PLCB1: variants seen among roughly 807,000 people sequenced by gnomAD.
The protein encoded by PLCB1 is phospholipase C beta 1.
PLCB1 carries 46 observed loss-of-function variants against 161.8 expected under a neutral mutation model. The observed-to-expected ratio is 0.28, with a 90% confidence interval of 0.22 to 0.36. The LOEUF (loss-of-function observed/expected upper bound fraction) is 0.36. Ranked by LOEUF, PLCB1 falls within the 10% of genes least tolerant of loss-of-function variation. The pLI is 1.00. For missense variants in PLCB1, 1,016 were observed against 1,472.5 expected, an observed-to-expected ratio of 0.69 and a Z score of 5.07; for synonymous variants, 517 against 503.7, an observed-to-expected ratio of 1.03 and a Z score of -0.35.
At chr20:8,243,131 C>T (rs370972809) in intron 2 of PLCB1, among the ~76,000 whole-genome samples, 3 of 151,852 alleles carry the variant, frequency 2.0e-5, no homozygotes, top group East Asian at 1.9e-4. Context: ...AAAAATATCA[C>T]GACCTAAGAT....
chr20:8,490,059 GAGTCT>G (rs1457460500), intron 3 of PLCB1, among the ~76,000 whole-genome samples: 2 of 152,178 alleles, frequency 1.3e-5, no homozygotes, highest in Non-Finnish European at 2.9e-5. Context: ...GGCAAGAGAA[GAGTCT>G]AGTCCTGTGG....
At chr20:8,756,996 G>T in intron 23 of PLCB1, 50 bp from the exon 24 acceptor site, 1 of 1,526,274 alleles carries the variant, frequency 6.6e-7, no homozygotes, top group South Asian at 1.3e-5. Context: ...AGGAAGGCAA[G>T]AAAAGAATAA....
At chr20:8,644,848 C>G (rs899467465) in intron 4 of PLCB1, among the ~76,000 whole-genome samples, 1 of 152,036 alleles carries the variant, frequency 6.6e-6, no homozygotes, top group Non-Finnish European at 1.5e-5. Flanking sequence ...TCATTGAGAA[C>G]GGGCCAGGAT....
chr20:8,844,304 T>A (rs562194210), intron 31 of PLCB1, among the ~76,000 whole-genome samples: 1 of 152,270 alleles, frequency 6.6e-6, no homozygotes, highest in East Asian at 1.9e-4. Flanking sequence ...AGGGTTTGTT[T>A]GGTTAAAATA....
chr20:8,569,733 A>G (rs1272835682), intron 3 of PLCB1, among the ~76,000 whole-genome samples: 1 of 152,214 alleles, frequency 6.6e-6, no homozygotes, highest in Non-Finnish European at 1.5e-5. Flanking sequence ...TACTGTAACA[A>G]TAAGTAGAAA....
chr20:8,863,936 G>C (rs913126410), intron 31 of PLCB1, among the ~76,000 whole-genome samples: 2 of 152,100 alleles, frequency 1.3e-5, no homozygotes, highest in African/African-American at 4.8e-5. Context: ...AGTTGGTAGG[G>C]TTTCTGAGTG....
intron 2 of PLCB1, among the ~76,000 whole-genome samples, chr20:8,292,442 A>T (rs929321102): frequency 2.0e-5 from 3 of 152,112 alleles, no homozygotes; most frequent in South Asian, 2.1e-4. Context: ...CAGACTCTTC[A>T]TAGATATTTA....
At chr20:8,186,024 C>T (rs754409658) in intron 2 of PLCB1, among the ~76,000 whole-genome samples, 25 of 152,266 alleles carry the variant, frequency 1.6e-4, no homozygotes, top group Middle Eastern at 6.8e-3. Context: ...CCAGTGTCCT[C>T]TGGAATGAGA....
chr20:8,466,277 G>A (rs1001926541), intron 3 of PLCB1, among the ~76,000 whole-genome samples: 11 of 146,616 alleles, frequency 7.5e-5, no homozygotes, highest in East Asian at 4.1e-4. Context: ...TGAACAATGA[G>A]AACACATGGA....
At chr20:8,879,444 C>A (rs982087323) in intron 31 of PLCB1, among the ~76,000 whole-genome samples, 1 of 152,058 alleles carries the variant, frequency 6.6e-6, no homozygotes, top group Non-Finnish European at 1.5e-5. Flanking sequence ...TCCAGGCAGA[C>A]CTGAGTAATC....
At chr20:8,542,608 A>G (rs1985378919) in intron 3 of PLCB1, among the ~76,000 whole-genome samples, 1 of 152,228 alleles carries the variant, frequency 6.6e-6, no homozygotes, top group South Asian at 2.1e-4. Context: ...ACAGCACTTA[A>G]GAAAAGAATG....
chr20:8,151,211 G>A (rs2051504566), intron 2 of PLCB1, among the ~76,000 whole-genome samples: 1 of 152,144 alleles, frequency 6.6e-6, no homozygotes, highest in African/African-American at 2.4e-5. Flanking sequence ...GAAAACAATA[G>A]AATAGTAATA....
chr20:8,198,760 T>C (rs62199989), intron 2 of PLCB1, among the ~76,000 whole-genome samples: 33,452 of 151,982 alleles, frequency 0.22, 3,850 homozygotes, highest in African/African-American at 0.28. Flanking sequence ...AATCCACCTG[T>C]CCTTCACTTC....
chr20:8,454,072 C>T (rs144350876), intron 3 of PLCB1, among the ~76,000 whole-genome samples: 154 of 152,260 alleles, frequency 1.0e-3, no homozygotes, highest in African/African-American at 3.5e-3. Flanking sequence ...GAGGCCTCAC[C>T]AGTAACCACC....
At chr20:8,566,262 T>A (rs1440269119) in intron 3 of PLCB1, among the ~76,000 whole-genome samples, 1 of 152,144 alleles carries the variant, frequency 6.6e-6, no homozygotes, top group African/African-American at 2.4e-5. Context: ...TCATTAAATA[T>A]TAAAAATATT....
At chr20:8,653,114 C>T (rs916766687) in intron 7 of PLCB1, 3 of 152,086 alleles carry the variant, frequency 2.0e-5, no homozygotes, top group Admixed American at 6.6e-5. Context: ...CTTGCCACAG[C>T]ACTGGCATAC....
At chr20:8,669,532 T>C (rs1259481118) in intron 9 of PLCB1, among the ~76,000 whole-genome samples, 1 of 152,196 alleles carries the variant, frequency 6.6e-6, no homozygotes, top group Non-Finnish European at 1.5e-5. Context: ...GACTTACTCG[T>C]TGGTTTATTT....
At chr20:8,257,362 C>T (rs1981481284) in intron 2 of PLCB1, among the ~76,000 whole-genome samples, 1 of 151,976 alleles carries the variant, frequency 6.6e-6, no homozygotes, top group East Asian at 1.9e-4. Context: ...AAAGGATAGA[C>T]TTAAATATCT....
intron 31 of PLCB1, among the ~76,000 whole-genome samples, chr20:8,864,879 G>A (rs1356681069): frequency 6.6e-6 from 1 of 152,174 alleles, no homozygotes; most frequent in Non-Finnish European, 1.5e-5. Flanking sequence ...GTGTTCTGAA[G>A]AAACCCCCAA....
Sources: allele counts gnomAD v4.1 joint callset (sites outside exome capture counted in the v4.1 genomes callset), GRCh38; gene constraint gnomAD v4.1.1; transcripts MANE v1.5; gene names NCBI Gene and HGNC (gene_info 2026-07-23, HGNC 2026-07-21).